The following MAD1L1 variants were observed in gnomAD, a reference collection of about 807,000 sequenced individuals.
MAD1L1 encodes the protein mitotic arrest deficient 1 like 1.
In MAD1L1, 95 loss-of-function variants were observed where a neutral mutation model predicts 96.9. That is an observed-to-expected ratio of 0.98 (90% CI 0.83 to 1.16). The LOEUF (loss-of-function observed/expected upper bound fraction) is 1.16, where lower values mean the gene tolerates loss of function less well. Among genes scored for constraint, MAD1L1 ranks in the 50% most tolerant of loss-of-function variants. The pLI is 0.00. For synonymous variants in MAD1L1, 473 were observed against 396.6 expected (o/e 1.19, Z -2.29); for missense variants, 1,007 against 954.4 (o/e 1.06, Z -0.73).
intron 13 of MAD1L1, among the ~76,000 whole-genome samples, chr7:2,013,745 G>A (rs772995842): frequency 5.3e-5 from 8 of 152,242 alleles, no homozygotes; most frequent in African/African-American, 1.7e-4. Flanking sequence ...GGCCTTTCAA[G>A]CTCCAGGCTG....
chr7:2,072,413 G>A lies in MAD1L1; in HGVS notation c.1074-3075C>T, dbSNP rs553139303. Among the ~76,000 whole-genome samples, 741 of 152,316 alleles carry A rather than the reference G, an allele frequency of 4.9e-3. 3 individuals carry two copies. The highest frequency in any genetic ancestry group is 6.7e-3 in the Non-Finnish European group (459 of 68,030). ...GGCCCCAGGTGCAGCACTGGCCAGC[G>A]GCCCCCCTGCCCCCTCCAGGCGCTC... On this transcript the variant is annotated intron_variant, in intron 11 of 18. Transcript: ENST00000265854.
chr7:1,980,993 G>A (rs1583986160), intron 14 of MAD1L1, among the ~76,000 whole-genome samples: 1 of 152,176 alleles, frequency 6.6e-6, no homozygotes, highest in Admixed American at 6.5e-5. Context: ...CTGAGATGGA[G>A]TCTCGCTCTG....
chr7:1,974,188 C>A (rs1533828), intron 15 of MAD1L1, among the ~76,000 whole-genome samples: 130,953 of 152,242 alleles, frequency 0.86, 57,631 homozygotes, highest in Non-Finnish European at 0.96. Context: ...CAGGCCCCCA[C>A]GCCAGAGTCA....
At chr7:1,868,884 A>G (rs1784906708) in intron 18 of MAD1L1, among the ~76,000 whole-genome samples, 1 of 152,122 alleles carries the variant, frequency 6.6e-6, no homozygotes, top group South Asian at 2.1e-4. Flanking sequence ...CTGCATGGAG[A>G]ACCTGGCCTC....
intron 13 of MAD1L1, among the ~76,000 whole-genome samples, chr7:2,003,262 A>G (rs1781886506): frequency 6.6e-6 from 1 of 152,126 alleles, no homozygotes; most frequent in Non-Finnish European, 1.5e-5. Context: ...AGGCGTGTGT[A>G]TGTGCGTGTA....
chr7:2,133,463 C>G (rs527404061), intron 11 of MAD1L1, among the ~76,000 whole-genome samples: 1 of 152,362 alleles, frequency 6.6e-6, no homozygotes, highest in African/African-American at 2.4e-5. Flanking sequence ...TCAGATATGT[C>G]TTTTGCATGA....
rs763652388 is a variant in MAD1L1 at position 2,213,194 on chromosome 7, A to T, written c.986+18T>A. ...CTTCAAAGAAGGCGGGACCCCGGAG[A>T]CACCTGCCCTTCCCTACCTGATGCT... On this transcript the variant is annotated intron_variant, in intron 10 of 18. Coordinates refer to ENST00000265854, the MANE Select transcript of MAD1L1 (RefSeq NM_001013836.2). 1.2e-6 allele frequency: 2 copies of T among 1,613,872 alleles called. No homozygotes were observed. The highest frequency in any genetic ancestry group is 2.7e-5 in the African/African-American group (2 of 74,922).
chr7:1,932,929 C>A (rs758509904), intron 17 of MAD1L1, among the ~76,000 whole-genome samples: 1 of 152,196 alleles, frequency 6.6e-6, no homozygotes, highest in African/African-American at 2.4e-5. Context: ...TACAAATCTT[C>A]TTAGATTTCC....
intron 12 of MAD1L1, among the ~76,000 whole-genome samples, chr7:2,033,428 C>A (rs1783323247): frequency 1.3e-5 from 2 of 152,264 alleles, no homozygotes; most frequent in Admixed American, 1.3e-4. Context: ...GAAAGACCAG[C>A]ACGCTTCGCC....
chr7:2,024,299 A>G (rs534626055), intron 12 of MAD1L1, among the ~76,000 whole-genome samples: 1 of 152,158 alleles, frequency 6.6e-6, no homozygotes, highest in African/African-American at 2.4e-5. Context: ...CAAAACTCAC[A>G]TGAGGAGGAA....
In MAD1L1 at chr7:1,816,117, G is replaced by A; in HGVS notation, c.2110C>T (p.Leu704Phe). ...LRRQDSIPAFLSSLTLELFSR... is the reference protein window; with the variant it reads ...LRRQDSIPAFFSSLTLELFSR... Reference sequence around the variant, plus strand: ...AAGAGCTCGAGGGTGAGCGAGCTGAGGAAGGCAGGGATGCTGTCCTGGCGC... The same window carrying A: ...AAGAGCTCGAGGGTGAGCGAGCTGAAGAAGGCAGGGATGCTGTCCTGGCGC... The change falls in exon 19 of 19, where the codon CTC becomes TTC. Residue 704 changes from leucine (L) to phenylalanine (F), a missense_variant. Physicochemically the swap from Leu to Phe is conservative, Grantham distance 22. Transcript: ENST00000265854. 6.2e-7 allele frequency: 1 copy of A among 1,612,898 alleles called. No homozygotes were observed. Among genetic ancestry groups the A allele is most frequent in the Non-Finnish European group, 8.5e-7 (1 of 1,179,820 alleles).
chr7:2,121,107 G>C, intron 11 of MAD1L1, among the ~76,000 whole-genome samples: 1 of 152,208 alleles, frequency 6.6e-6, no homozygotes, highest in East Asian at 1.9e-4. Context: ...CAGGCTCCCA[G>C]GGCAGGCGCC....
intron 10 of MAD1L1, among the ~76,000 whole-genome samples, chr7:2,163,161 G>A (rs1790249517): frequency 1.3e-5 from 2 of 152,098 alleles, no homozygotes; most frequent in African/African-American, 4.8e-5. Flanking sequence ...GGCACAAACC[G>A]GCACATTAAG....
Position 2,034,004 on chromosome 7 carries a change from G to A in MAD1L1, c.1219-19362C>T, listed in dbSNP as rs564109735. ...CCAGCTACTGGGGAGGCTCAGGCAG[G>A]AGGATATATTGAGCCCTGGAGTTCA... is the stretch of plus-strand genomic sequence containing the variant. On this transcript the variant is annotated intron_variant, in intron 12 of 18. Coordinates refer to ENST00000265854, the MANE Select transcript of MAD1L1 (RefSeq NM_001013836.2). Among the ~76,000 whole-genome samples, 171 of 152,280 alleles carry A rather than the reference G, an allele frequency of 1.1e-3. 2 individuals are homozygous for A. The South Asian group carries it at 0.025, about 22-fold the overall frequency.
chr7:1,980,250 G>GC (rs957093945), intron 15 of MAD1L1, among the ~76,000 whole-genome samples: 95 of 152,218 alleles, frequency 6.2e-4, no homozygotes, highest in African/African-American at 2.2e-3. Context: ...GCATGAGCGT[G>GC]CCCACCTCCC....
intron 11 of MAD1L1, among the ~76,000 whole-genome samples, chr7:2,115,119 ACTGGCACACTG>A (rs1328883049): frequency 6.6e-6 from 1 of 152,122 alleles, no homozygotes; most frequent in African/African-American, 2.4e-5. Flanking sequence ...GGGGCCCACC[ACTGGCACACTG>A]CGGAAGCACT....
intron 14 of MAD1L1, among the ~76,000 whole-genome samples, chr7:1,986,952 C>T (rs1172413809): frequency 6.6e-6 from 1 of 152,114 alleles, no homozygotes. Flanking sequence ...CACCCTGCAC[C>T]TCCCCGCCAG....
At chr7:2,044,616 T>C (rs942315571) in intron 12 of MAD1L1, among the ~76,000 whole-genome samples, 3 of 152,196 alleles carry the variant, frequency 2.0e-5, no homozygotes, top group Middle Eastern at 3.4e-3. Flanking sequence ...TGAGTACACA[T>C]GAAGTCCCCA....
At chr7:2,160,010 T>G (rs957826949) in intron 10 of MAD1L1, among the ~76,000 whole-genome samples, 3 of 152,096 alleles carry the variant, frequency 2.0e-5, no homozygotes, top group Admixed American at 2.0e-4. Flanking sequence ...GGTAGATCAC[T>G]TGAGCCCAGG....
Sources: allele counts gnomAD v4.1 joint callset (sites outside exome capture counted in the v4.1 genomes callset), GRCh38; gene constraint gnomAD v4.1.1; transcripts MANE v1.5; gene names NCBI Gene and HGNC (gene_info 2026-07-23, HGNC 2026-07-21).